Variants in NFATC1 observed in about 807,000 individuals in gnomAD.
NFATC1 encodes the protein nuclear factor of activated T cells 1, also known as nuclear factor of activated T-cells, cytoplasmic 1.
A neutral mutation model predicts 76.0 loss-of-function variants in NFATC1; 22 were observed. The ratio of observed to expected loss-of-function variants is 0.29; its 90% CI spans 0.21 to 0.41. NFATC1 has a LOEUF of 0.41. NFATC1 is among the 10% of genes least tolerant of loss of function. The pLI is 1.00. For missense variants in NFATC1, 1,357 were observed against 1,337.7 expected, an observed-to-expected ratio of 1.01 and a Z score of -0.23; for synonymous variants, 704 against 613.1, an observed-to-expected ratio of 1.15 and a Z score of -2.19.
intron 9 of NFATC1, among the ~76,000 whole-genome samples, chr18:79,520,813 C>G (rs867704068): frequency 1.0e-3 from 16 of 15,800 alleles, no homozygotes; most frequent in South Asian, 3.2e-3. Flanking sequence ...ATGTGTGTGT[C>G]TGTGTGTGGG....
chr18:79,402,134 G>A (rs963119634), intron 1 of NFATC1, among the ~76,000 whole-genome samples: 3 of 152,252 alleles, frequency 2.0e-5, no homozygotes, highest in Non-Finnish European at 2.9e-5. Flanking sequence ...GTGACTGTGC[G>A]CGACAGCAGC....
intron 1 of NFATC1, among the ~76,000 whole-genome samples, chr18:79,398,719 G>A (rs770835364): frequency 6.6e-6 from 1 of 152,260 alleles, no homozygotes; most frequent in African/African-American, 2.4e-5. Context: ...AGATGATAAG[G>A]GCTGTCATTT....
chr18:79,424,641 GTCTC>G (rs984286598), intron 2 of NFATC1, among the ~76,000 whole-genome samples: 1 of 140,542 alleles, frequency 7.1e-6, no homozygotes, highest in Admixed American at 7.0e-5. Flanking sequence ...CTGTCTCTCT[GTCTC>G]TCTTTCCGTC....
At chr18:79,495,635 T>C (rs2089859210) in intron 9 of NFATC1, among the ~76,000 whole-genome samples, 1 of 152,230 alleles carries the variant, frequency 6.6e-6, no homozygotes, top group Non-Finnish European at 1.5e-5. Flanking sequence ...CCGAAGAAAA[T>C]TCACGGCCAG....
intron 2 of NFATC1, among the ~76,000 whole-genome samples, chr18:79,432,709 C>A (rs1181698347): frequency 6.6e-6 from 1 of 152,312 alleles, no homozygotes; most frequent in Admixed American, 6.5e-5. Context: ...CAGGCCACCC[C>A]CTAGATGCAA....
Position 79,396,088 on chromosome 18 carries a change from G to A in NFATC1, c.-137G>A, listed in dbSNP as rs2084993792. 6 of 1,095,906 alleles carry A rather than the reference G, an allele frequency of 5.5e-6. No individual in the cohort carries two copies. The highest frequency in any genetic ancestry group is 1.0e-4 in the Admixed American group (2 of 19,998). 67.9% of individuals were successfully genotyped at this position (1,095,906 alleles called of 1,614,324 possible). On this transcript the variant is annotated 5_prime_UTR_variant, in exon 1 of 10. Coordinates refer to ENST00000427363, the MANE Select transcript of NFATC1 (RefSeq NM_001278669.2). ...CCCGCCACGCGCGCACACGCCCCTCGATGACTTTCCTCCGGGGCGCGCGGC... is the reference window on the plus strand; with the variant it reads ...CCCGCCACGCGCGCACACGCCCCTCAATGACTTTCCTCCGGGGCGCGCGGC...
intron 8 of NFATC1, among the ~76,000 whole-genome samples, chr18:79,473,123 T>G (rs1042898103): frequency 6.6e-6 from 1 of 152,226 alleles, no homozygotes; most frequent in African/African-American, 2.4e-5. Flanking sequence ...GATGCTGACA[T>G]TTCCAGCCCA....
In NFATC1 at chr18:79,447,181, T is replaced by G. The variant is rs560371561; in HGVS notation, c.1387-1601T>G. On this transcript the variant is annotated intron_variant, in intron 3 of 9. Coordinates refer to ENST00000427363, the MANE Select transcript of NFATC1 (RefSeq NM_001278669.2). Reference sequence around the variant, plus strand: ...GACCACACGGCGGCTGAGGCTAAGCTGGAGCCACGGAGCAAGGGCCGCCTC... The same window carrying G: ...GACCACACGGCGGCTGAGGCTAAGCGGGAGCCACGGAGCAAGGGCCGCCTC... Among the ~76,000 whole-genome samples the G allele has an allele frequency of 5.3e-5, 8 of 152,368 alleles. No homozygotes were observed. The East Asian group carries it at 1.5e-3, about 29-fold the overall frequency.
Position 79,411,380 on chromosome 18 carries a change from G to A in NFATC1, c.1105G>A (p.Glu369Lys), listed in dbSNP as rs1235708427. The change falls in exon 2 of 10, where the codon GAA becomes AAA. Residue 369 changes from glutamate (E) to lysine (K), a missense_variant. Transcript: ENST00000427363. The stretch of plus-strand genomic sequence containing the variant: ...CCCGCCCCCGGCCGACTTCGCGCCC[G>A]AAGACTACTCCTCTTTCCAGCACAT... Reference protein sequence around the residue: ...SPPPPADFAPEDYSSFQHIRK... With the variant: ...SPPPPADFAPKDYSSFQHIRK... 5.1e-6 allele frequency: 8 copies of A among 1,583,996 alleles called. No individual in the cohort carries two copies. Among genetic ancestry groups the A allele is most frequent in the South Asian group, 2.3e-5 (2 of 86,304 alleles).
At chr18:79,436,906 G>A (rs557547276) in intron 3 of NFATC1, among the ~76,000 whole-genome samples, 128 of 152,294 alleles carry the variant, frequency 8.4e-4, no homozygotes, top group Admixed American at 2.8e-3. Flanking sequence ...CCACGCCGGG[G>A]AGAGACCACC....
At chr18:79,450,633 G>A (rs1484420411) in intron 4 of NFATC1, among the ~76,000 whole-genome samples, 3 of 152,102 alleles carry the variant, frequency 2.0e-5, no homozygotes, top group East Asian at 1.9e-4. Flanking sequence ...GGACAGCTCC[G>A]ACTGGACCCG....
At chr18:79,467,814 A>T in intron 8 of NFATC1, 2 of 1,127,214 alleles carry the variant, frequency 1.8e-6, no homozygotes, top group Non-Finnish European at 2.2e-6. Flanking sequence ...TTGCATACTC[A>T]GATAGTCACG....
chr18:79,473,355 G>A (rs555761769), intron 8 of NFATC1, among the ~76,000 whole-genome samples: 2 of 152,394 alleles, frequency 1.3e-5, no homozygotes, highest in East Asian at 3.9e-4. Context: ...GACGGCAAGT[G>A]AGAGAAGCGT....
At chr18:79,424,993 CTA>C (rs58427847) in intron 2 of NFATC1, among the ~76,000 whole-genome samples, 1,468 of 139,728 alleles carry the variant, frequency 0.011, 30 homozygotes, top group African/African-American at 0.037. Flanking sequence ...CTCTCTGTGT[CTA>C]TCTCTGTGTC....
rs1051018698 is a variant in NFATC1 at position 79,528,944 on chromosome 18, T to C, written c.*1367T>C. ...TTGACCTGAACTCGTGCCTTAGGAA[T>C]TAATGCCCCCTTATGGAACCTGCCT... On this transcript the variant is annotated 3_prime_UTR_variant, in exon 10 of 10. Transcript: ENST00000427363. 2 of 152,632 alleles carry C rather than the reference T, an allele frequency of 1.3e-5. No homozygotes were observed. The highest frequency in any genetic ancestry group is 4.8e-5 in the African/African-American group (2 of 41,452). 9.5% of individuals were successfully genotyped at this position (152,632 alleles called of 1,614,324 possible).
At position 79,411,304 on chromosome 18, in the gene NFATC1, G is replaced by A. The variant is rs1411221116; in HGVS notation, c.1029G>A (p.Pro343=). ...CCCGCAAGACCACCCTGGAGCAGCC[G>A]CCCTCAGTGGCGCTCAAGGTGGAGC... ...VKSRKTTLEQ[P]PSVALKVEPV... is the part of the protein sequence containing the mutation. Residue 343 remains proline, a synonymous_variant, in exon 2 of 10, where the codon CCG becomes CCA. Transcript: ENST00000427363. 8 of 1,602,882 alleles carry A rather than the reference G, an allele frequency of 5.0e-6. No individual in the cohort carries two copies. The highest frequency in any genetic ancestry group is 2.7e-5 in the African/African-American group (2 of 74,844).
intron 6 of NFATC1, among the ~76,000 whole-genome samples, chr18:79,457,454 C>G (rs1350882658): frequency 2.6e-5 from 4 of 152,166 alleles, no homozygotes; most frequent in Non-Finnish European, 5.9e-5. Flanking sequence ...GAGGAGGGGC[C>G]GGGCTTCTGG....
chr18:79,412,759 A>G (rs1448511925), intron 2 of NFATC1, among the ~76,000 whole-genome samples: 1 of 152,238 alleles, frequency 6.6e-6, no homozygotes, highest in Non-Finnish European at 1.5e-5. Context: ...GAGCAGCCCC[A>G]TGGCTGATTC....
intron 2 of NFATC1, among the ~76,000 whole-genome samples, chr18:79,425,440 T>C (rs1042761380): frequency 8.6e-5 from 13 of 152,014 alleles, no homozygotes; most frequent in Non-Finnish European, 1.3e-4. Context: ...TGTGGGCGGG[T>C]GTGGCCCTGC....
Sources: gnomAD v4.1 joint callset for allele counts (sites outside exome capture counted in the v4.1 genomes callset) on GRCh38, gnomAD v4.1.1 for gene constraint, MANE v1.5 for transcripts, NCBI Gene and HGNC (gene_info 2026-07-23, HGNC 2026-07-21) for gene names.